The following NKAIN2 variants were observed in gnomAD, a reference collection of about 807,000 sequenced individuals.
The protein encoded by NKAIN2 is sodium/potassium transporting ATPase interacting 2.
In NKAIN2, 14 loss-of-function variants were observed where a neutral mutation model predicts 32.6. The observed-to-expected ratio is 0.43, with a 90% CI of 0.28 to 0.67. NKAIN2 has a LOEUF of 0.67. Among genes scored for constraint, NKAIN2 ranks in the 30% least tolerant of loss-of-function variants. NKAIN2 has a pLI of 0.17. For synonymous variants in NKAIN2, 80 were observed against 87.2 expected (o/e 0.92, Z 0.46); for missense variants, 198 against 258.3 (o/e 0.77, Z 1.60).
At chr6:124,681,231 G>T (rs12662193) in intron 4 of NKAIN2, among the ~76,000 whole-genome samples, 1 of 151,732 alleles carries the variant, frequency 6.6e-6, no homozygotes, top group South Asian at 2.1e-4. Flanking sequence ...TATAACCTAG[G>T]GCTCTACTTA....
rs1788720315 is a variant in NKAIN2 at position 124,169,171 on chromosome 6, AT to A, written c.55-113833del. ...TATAGCACTGTGCACCCAAAGATATATAACATTACTTAATGATAAATTTCTG... is the reference window on the plus strand; with the variant it reads ...TATAGCACTGTGCACCCAAAGATATAAACATTACTTAATGATAAATTTCTG... On this transcript the variant is annotated intron_variant, in intron 1 of 6. Transcript: ENST00000368417. Among the ~76,000 whole-genome samples, 3 of 152,284 alleles carry A rather than the reference AT, an allele frequency of 2.0e-5. No homozygotes were observed. In the South Asian group the frequency reaches 6.2e-4, roughly 32 times the overall value.
At chr6:124,564,789 A>G (rs767937810) in intron 3 of NKAIN2, among the ~76,000 whole-genome samples, 5 of 152,200 alleles carry the variant, frequency 3.3e-5, no homozygotes, top group Non-Finnish European at 5.9e-5. Flanking sequence ...CACTCCCTGT[A>G]TGTTTACAGT....
chr6:124,259,510 A>C (rs1794120236), intron 1 of NKAIN2, among the ~76,000 whole-genome samples: 2 of 152,130 alleles, frequency 1.3e-5, no homozygotes, highest in African/African-American at 2.4e-5. Flanking sequence ...TCTATGGGCC[A>C]GTTTCAAAAT....
intron 1 of NKAIN2, among the ~76,000 whole-genome samples, chr6:124,264,473 A>C (rs1555376): frequency 0.32 from 48,086 of 152,098 alleles, 8,874 homozygotes; most frequent in African/African-American, 0.5. Context: ...TTTCAGGGCA[A>C]TCATAAGTTA....
At chr6:124,726,907 A>C (rs1776351267) in intron 4 of NKAIN2, among the ~76,000 whole-genome samples, 1 of 121,338 alleles carries the variant, frequency 8.2e-6, no homozygotes, top group Non-Finnish European at 1.7e-5. Flanking sequence ...CTACGTGAAG[A>C]ATGCAGAAGC....
intron 1 of NKAIN2, among the ~76,000 whole-genome samples, chr6:124,017,190 T>C (rs538603385): frequency 6.6e-6 from 1 of 152,122 alleles, no homozygotes; most frequent in Non-Finnish European, 1.5e-5. Context: ...TATAAAATCA[T>C]TAGATCTAGT....
chr6:124,445,144 G>A (rs1303951303), intron 3 of NKAIN2, among the ~76,000 whole-genome samples: 1 of 151,978 alleles, frequency 6.6e-6, no homozygotes, highest in Non-Finnish European at 1.5e-5. Flanking sequence ...AAAGTATAGA[G>A]CAACTCTATG....
chr6:124,511,706 G>GC (rs1778721160), intron 3 of NKAIN2, among the ~76,000 whole-genome samples: 1 of 152,090 alleles, frequency 6.6e-6, no homozygotes, highest in Admixed American at 6.6e-5. Context: ...TGTCTTTGTG[G>GC]ATTTCAGGCA....
chr6:124,576,687 G>A (rs1304124488), intron 3 of NKAIN2, among the ~76,000 whole-genome samples: 3 of 151,830 alleles, frequency 2.0e-5, no homozygotes, highest in Non-Finnish European at 2.9e-5. Flanking sequence ...AAATTTCAAT[G>A]TAAAAAAAAA....
intron 2 of NKAIN2, among the ~76,000 whole-genome samples, chr6:124,315,032 T>A (rs1796886831): frequency 6.6e-6 from 1 of 152,194 alleles, no homozygotes; most frequent in Non-Finnish European, 1.5e-5. Context: ...GTAAGTTTTT[T>A]ATATAATAAA....
intron 1 of NKAIN2, among the ~76,000 whole-genome samples, chr6:124,212,198 T>C (rs1791216269): frequency 6.6e-6 from 1 of 152,136 alleles, no homozygotes; most frequent in Admixed American, 6.6e-5. Context: ...CTAATCACTT[T>C]GTCATTATTT....
chr6:124,168,694 G>A (rs1788695960), intron 1 of NKAIN2, among the ~76,000 whole-genome samples: 1 of 151,964 alleles, frequency 6.6e-6, no homozygotes, highest in East Asian at 1.9e-4. Context: ...TGTGAAATTA[G>A]CTCTAATACC....
chr6:124,736,080 C>T (rs535725022), intron 4 of NKAIN2, among the ~76,000 whole-genome samples: 119 of 151,766 alleles, frequency 7.8e-4, no homozygotes, highest in Non-Finnish European at 1.4e-3. Flanking sequence ...GTTGTCAATG[C>T]AAAGGAAAAG....
chr6:124,229,915 G>T (rs1792358345), intron 1 of NKAIN2, among the ~76,000 whole-genome samples: 1 of 152,132 alleles, frequency 6.6e-6, no homozygotes, highest in Non-Finnish European at 1.5e-5. Flanking sequence ...AAGTAAATTG[G>T]TACCAGTAGG....
intron 3 of NKAIN2, among the ~76,000 whole-genome samples, chr6:124,468,123 A>G (rs693793): frequency 0.15 from 23,515 of 152,092 alleles, 2,029 homozygotes; most frequent in East Asian, 0.25. Flanking sequence ...TAACATGGGT[A>G]TATCTTATTA....
At chr6:123,837,253 C>T (rs776412732) in intron 1 of NKAIN2, among the ~76,000 whole-genome samples, 12 of 151,600 alleles carry the variant, frequency 7.9e-5, no homozygotes, top group African/African-American at 1.5e-4. Context: ...ACACCATTCT[C>T]GGAGAAAGTG....
intron 2 of NKAIN2, among the ~76,000 whole-genome samples, chr6:124,297,573 C>T (rs1796110882): frequency 6.6e-6 from 1 of 151,842 alleles, no homozygotes; most frequent in South Asian, 2.1e-4. Context: ...CTTCCTTCCT[C>T]TCCCTGGATC....
chr6:124,269,879 G>C (rs1212775763), intron 1 of NKAIN2, among the ~76,000 whole-genome samples: 2 of 152,078 alleles, frequency 1.3e-5, no homozygotes, highest in Non-Finnish European at 2.9e-5. Flanking sequence ...TTAGCAGTCA[G>C]AGTAAGTGAG....
intron 1 of NKAIN2, among the ~76,000 whole-genome samples, chr6:124,223,703 G>A (rs2114705470): frequency 6.6e-6 from 1 of 152,120 alleles, no homozygotes; most frequent in East Asian, 1.9e-4. Flanking sequence ...GTCAACTTGT[G>A]TTGGAATAAT....
Sources: allele counts gnomAD v4.1 joint callset (sites outside exome capture counted in the v4.1 genomes callset), GRCh38; gene constraint gnomAD v4.1.1; transcripts MANE v1.5; gene names NCBI Gene and HGNC (gene_info 2026-07-23, HGNC 2026-07-21).